Variants in CENPH observed in about 807,000 individuals in gnomAD.
CENPH encodes centromere protein H.
Under a neutral mutation model 42.9 loss-of-function variants are expected in CENPH, and 40 were observed. The ratio of observed to expected loss-of-function variants is 0.93; its 90% CI spans 0.72 to 1.21. The LOEUF (loss-of-function observed/expected upper bound fraction) is 1.21. Ranked by LOEUF, CENPH falls within the 50% of genes most tolerant of loss-of-function variation. The pLI is 0.00. For missense variants in CENPH, 302 were observed against 292.9 expected (o/e 1.03, Z -0.23); for synonymous variants, 88 against 96.5 (o/e 0.91, Z 0.52).
intron 7 of CENPH, among the ~76,000 whole-genome samples, chr5:69,205,722 T>C (rs1259824937): frequency 6.9e-6 from 1 of 145,330 alleles, no homozygotes; most frequent in African/African-American, 2.6e-5. Flanking sequence ...TTTTTTTTTT[T>C]TTTTGAGACG....
At chr5:69,202,673 G>A in intron 6 of CENPH, 104 bp downstream of exon 6, 2 of 751,238 alleles carry the variant, frequency 2.7e-6, no homozygotes. Flanking sequence ...CAAAGGGAAT[G>A]CTATGATTGG....
At position 69,200,719 on chromosome 5, in the gene CENPH, CTTTTTTTTTTTTTTTTTTT is replaced by C. The variant is rs70992906; in HGVS notation, c.372-1771_372-1753del. On this transcript the variant is annotated intron_variant, in intron 5 of 8. Coordinates refer to ENST00000283006, the MANE Select transcript of CENPH (RefSeq NM_022909.4). Reference sequence around the variant, plus strand: ...TCCCAAACTTTCTGAATCAGCGTATCTTTTTTTTTTTTTTTTTTTTTTTTTTTTTTTTTTGAGACGGAAT... The same window carrying C: ...TCCCAAACTTTCTGAATCAGCGTATCTTTTTTTTTTTTTTTGAGACGGAAT... Among the ~76,000 whole-genome samples the C allele has an allele frequency of 2.8e-4, 13 of 46,918 alleles. 1 individual carries two copies. The highest frequency in any genetic ancestry group is 2.6e-3 in the East Asian group (3 of 1,154). 30.8% of individuals were successfully genotyped at this position (46,918 alleles called of 152,430 possible). A position where few individuals can be genotyped will look rare whatever the true frequency, so the allele number is the denominator to read the frequency against.
intron 5 of CENPH, among the ~76,000 whole-genome samples, chr5:69,201,493 G>A (rs1403796660): frequency 6.6e-6 from 1 of 152,158 alleles, no homozygotes; most frequent in African/African-American, 2.4e-5. Context: ...AAGTAAAAAA[G>A]CAGTTTGTTC....
intron 1 of CENPH, 37 bp downstream of exon 1, chr5:69,189,805 G>A: frequency 7.1e-7 from 1 of 1,416,398 alleles, no homozygotes; most frequent in Non-Finnish European, 9.2e-7. Flanking sequence ...GGGCCAAGTG[G>A]GCGTTGTGGC....
intron 5 of CENPH, among the ~76,000 whole-genome samples, chr5:69,201,656 C>G (rs1163938993): frequency 6.6e-6 from 1 of 152,074 alleles, no homozygotes; most frequent in Non-Finnish European, 1.5e-5. Flanking sequence ...CCCTGGAGTT[C>G]CAGACCAGTC....
At chr5:69,204,803 A>C (rs774347826) in intron 7 of CENPH, among the ~76,000 whole-genome samples, 2 of 149,954 alleles carry the variant, frequency 1.3e-5, no homozygotes, top group Non-Finnish European at 3.0e-5. Flanking sequence ...ACAGGGTTTC[A>C]CTGTCTTGGC....
chr5:69,198,887 G>A (rs1748010945), intron 5 of CENPH, among the ~76,000 whole-genome samples: 1 of 152,034 alleles, frequency 6.6e-6, no homozygotes, highest in Admixed American at 6.6e-5. Flanking sequence ...TGGGGCTGCA[G>A]TAAGCTGTGA....
intron 2 of CENPH, among the ~76,000 whole-genome samples, chr5:69,193,338 A>T (rs1053527374): frequency 6.6e-6 from 1 of 152,040 alleles, no homozygotes; most frequent in African/African-American, 2.4e-5. Context: ...CACAATCAAG[A>T]TACAGAACAT....
Position 69,203,995 on chromosome 5 carries a change from G to T in CENPH, c.487+1025G>T, listed in dbSNP as rs13159842. Among the ~76,000 whole-genome samples the T allele has an allele frequency of 7.9e-3, 886 of 111,630 alleles. 25 individuals are homozygous for T. The highest frequency in any genetic ancestry group is 0.024 in the African/African-American group (655 of 27,706). 73.2% of individuals were successfully genotyped at this position (111,630 alleles called of 152,430 possible). A position where few individuals can be genotyped will look rare whatever the true frequency, so the allele number is the denominator to read the frequency against. ...ATGGAAATTTCTATATATATATATAGAGAGAGAATTTCTATATATATATAA... is the reference window on the plus strand; with the variant it reads ...ATGGAAATTTCTATATATATATATATAGAGAGAATTTCTATATATATATAA... On this transcript the variant is annotated intron_variant, in intron 7 of 8. Coordinates refer to ENST00000283006, the MANE Select transcript of CENPH (RefSeq NM_022909.4).
Position 69,209,801 on chromosome 5 carries a change from A to T in CENPH, c.*2A>T. Reference sequence around the variant, plus strand: ...GAGAAGAATGTTGACATGATGTAATAAGAATTCATTTCTGACATATTTTAC... The same window carrying T: ...GAGAAGAATGTTGACATGATGTAATTAGAATTCATTTCTGACATATTTTAC... On this transcript the variant is annotated 3_prime_UTR_variant, in exon 9 of 9. Coordinates refer to ENST00000283006, the MANE Select transcript of CENPH (RefSeq NM_022909.4). 6.6e-7 allele frequency: 1 copy of T among 1,525,314 alleles called. No individual in the cohort carries two copies. The highest frequency in any genetic ancestry group is 9.1e-7 in the Non-Finnish European group (1 of 1,102,352). The allele number at this position is 1,525,314 out of a possible 1,614,324, so 94.5% of individuals were successfully genotyped here.
chr5:69,197,074 T>A lies in CENPH; in HGVS notation c.336T>A (p.Leu112=). 6.3e-7 allele frequency: 1 copy of A among 1,576,010 alleles called. No homozygotes were observed. Residue 112 remains leucine (L), a synonymous_variant, in exon 5 of 9, where the codon CTT becomes CTA. Coordinates refer to ENST00000283006, the MANE Select transcript of CENPH (RefSeq NM_022909.4). ...ATAGGATGAGACTTTCAACTGCACT[T>A]AAAAAAAACCTGGAGAAAATTAGCA... ...ALDRMRLSTA[L]KKNLEKISRQ... is the part of the protein sequence containing the mutation.
intron 2 of CENPH, among the ~76,000 whole-genome samples, chr5:69,192,988 CG>C (rs57507680): frequency 0.6 from 90,586 of 151,112 alleles, 27,614 homozygotes; most frequent in African/African-American, 0.71. Flanking sequence ...CTCAGCTACT[CG>C]GGGAGGCTGA....
At chr5:69,200,054 A>T (rs886460957) in intron 5 of CENPH, among the ~76,000 whole-genome samples, 5 of 147,626 alleles carry the variant, frequency 3.4e-5, no homozygotes, top group African/African-American at 9.9e-5. Context: ...CGAAGGTTGC[A>T]GTGAGCTGAG....
chr5:69,195,440 A>C (rs758618430), intron 3 of CENPH, among the ~76,000 whole-genome samples: 6 of 151,966 alleles, frequency 3.9e-5, no homozygotes, highest in African/African-American at 7.3e-5. Flanking sequence ...CTTGTGATGC[A>C]TATATTGGGA....
intron 7 of CENPH, among the ~76,000 whole-genome samples, chr5:69,206,276 G>A (rs1450882181): frequency 1.4e-5 from 2 of 145,722 alleles, no homozygotes; most frequent in East Asian, 2.1e-4. Flanking sequence ...CCGCCTCTCA[G>A]GTTCAAGCGA....
At chr5:69,200,719 C>CTT (rs70992906) in intron 5 of CENPH, among the ~76,000 whole-genome samples, 2,194 of 46,792 alleles carry the variant, frequency 0.047, 689 homozygotes, top group Non-Finnish European at 0.068. Context: ...ATCAGCGTAT[C>CTT]TTTTTTTTTT....
intron 6 of CENPH, 126 bp downstream of exon 6, chr5:69,202,695 C>G (rs990078923): frequency 1.5e-6 from 1 of 681,952 alleles, no homozygotes. Flanking sequence ...ATTCGCTGTC[C>G]TTGAGTTCTC....
At chr5:69,190,548 G>T (rs940017166) in intron 1 of CENPH, among the ~76,000 whole-genome samples, 1 of 152,202 alleles carries the variant, frequency 6.6e-6, no homozygotes, top group Admixed American at 6.5e-5. Flanking sequence ...AAAAATTTGC[G>T]GTCCTCTGTT....
chr5:69,191,833 A>T lies in CENPH; in HGVS notation c.173A>T (p.Lys58Ile). Residue 58 changes from lysine to isoleucine, a missense_variant, in exon 2 of 9, where the codon AAA becomes ATA. Transcript: ENST00000283006. The stretch of plus-strand genomic sequence containing the variant: ...ACAAAACAACAACTCTTAGAATATA[A>T]ATCAATGGTTGATGCAAGTAAGTAT... ...AQTKQQLLEY[K>I]SMVDASEEKT... 1 of 1,547,182 alleles carries T rather than the reference A, an allele frequency of 6.5e-7. No homozygotes were observed. The highest frequency in any genetic ancestry group is 8.9e-7 in the Non-Finnish European group (1 of 1,120,612).
Sources: allele counts gnomAD v4.1 joint callset (sites outside exome capture counted in the v4.1 genomes callset), GRCh38; gene constraint gnomAD v4.1.1; transcripts MANE v1.5; gene names NCBI Gene and HGNC (gene_info 2026-07-23, HGNC 2026-07-21).